GEMIN5: variants seen among roughly 807,000 people sequenced by gnomAD.
The protein encoded by GEMIN5 is gem nuclear organelle associated protein 5.
In GEMIN5, 124 loss-of-function variants were observed where a neutral mutation model predicts 176.9. That is an observed-to-expected ratio of 0.70 (90% confidence interval 0.61 to 0.81). The LOEUF (loss-of-function observed/expected upper bound fraction) is 0.81. Among genes scored for constraint, GEMIN5 ranks in the 40% least tolerant of loss-of-function variants. GEMIN5 has a pLI of 0.00. For missense variants in GEMIN5, 1,843 were observed against 1,814.6 expected, an observed-to-expected ratio of 1.02 and a Z score of -0.28; for synonymous variants, 673 against 665.2, an observed-to-expected ratio of 1.01 and a Z score of -0.18.
chr5:154,935,626 A>G (rs1243397223), intron 3 of GEMIN5, among the ~76,000 whole-genome samples: 1 of 152,194 alleles, frequency 6.6e-6, no homozygotes, highest in Non-Finnish European at 1.5e-5. Context: ...CCGAAAAACG[A>G]AGAAAGTACA....
In GEMIN5 at chr5:154,911,717, TCTGA is replaced by T. The variant is rs1763703093; in HGVS notation, c.2167+6_2167+9del. The T allele has an allele frequency of 6.2e-7, 1 of 1,607,790 alleles. No homozygotes were observed. ...AAAAAGAATTAGATAAGCTCTAGGT[TCTGA>T]CTGACCTTGAGGAGGCCGGGAATGA... is the stretch of plus-strand genomic sequence containing the variant. On this transcript the variant is annotated splice_donor_region_variant and intron_variant, in intron 15 of 27. Transcript: ENST00000285873.
intron 15 of GEMIN5, among the ~76,000 whole-genome samples, chr5:154,911,415 A>G (rs1385859065): frequency 6.6e-6 from 1 of 152,174 alleles, no homozygotes; most frequent in African/African-American, 2.4e-5. Context: ...AGGGAGGTCA[A>G]GGTGCGAGAA....
At chr5:154,891,113 G>A in intron 26 of GEMIN5, 128 bp downstream of exon 26, 1 of 593,202 alleles carries the variant, frequency 1.7e-6, no homozygotes, top group Non-Finnish European at 2.7e-6. Flanking sequence ...CCGGGCTGGT[G>A]GTGAACTCCT....
In GEMIN5 at chr5:154,903,097, C is replaced by T. The variant is rs2113469586; in HGVS notation, c.2711G>A (p.Arg904Lys). Reference protein sequence around the residue: ...GLFTDRATLYRMIDIEGKGHL... With the variant: ...GLFTDRATLYKMIDIEGKGHL... Reference sequence around the variant, plus strand: ...TGTCTCACCTTCAATATCAATCATTCTATACAGGGTAGCCCTGTCTGTGAA... The same window carrying T: ...TGTCTCACCTTCAATATCAATCATTTTATACAGGGTAGCCCTGTCTGTGAA... The change falls in exon 19 of 28, where the codon AGA (arginine) becomes AAA (lysine). Residue 904 changes from arginine to lysine, a missense_variant. By Grantham distance (26) the Arg-to-Lys change is conservative. Transcript: ENST00000285873. 6.3e-7 allele frequency: 1 copy of T among 1,598,306 alleles called. No individual in the cohort carries two copies. The highest frequency in any genetic ancestry group is 1.1e-5 in the South Asian group (1 of 90,576).
chr5:154,931,804 C>G, intron 4 of GEMIN5: 3 of 497,988 alleles, frequency 6.0e-6, no homozygotes, highest in Admixed American at 3.6e-5. Context: ...CACCTGAGGT[C>G]GGGAGTTCAA....
rs1481657307 is a variant in GEMIN5, at chr5:154,888,224, T to C, written c.4513A>G (p.Thr1505Ala). The C allele has an allele frequency of 6.2e-6, 10 of 1,614,068 alleles. No homozygotes were observed. In the South Asian group the frequency reaches 9.9e-5, roughly 16 times the overall value. ...NTKTYRRHCQ[T>A]FCM ...TGTGTGAAAATTCACATACAGAAGG[T>C]CTGGCAGTGTCTTCTGTAAGTTTTC... The change falls in exon 28 of 28, where the codon ACC becomes GCC. Residue 1505 changes from threonine (T) to alanine (A), a missense_variant. By Grantham distance (58) the Thr-to-Ala change is moderately conservative. Coordinates refer to ENST00000285873, the MANE Select transcript of GEMIN5 (RefSeq NM_015465.5).
intron 23 of GEMIN5, 114 bp downstream of exon 23, chr5:154,898,326 T>G: frequency 1.1e-6 from 1 of 875,900 alleles, no homozygotes; most frequent in Non-Finnish European, 1.9e-6. Flanking sequence ...CAGGGCTTGC[T>G]GGGCCTGCCA....
intron 13 of GEMIN5, among the ~76,000 whole-genome samples, chr5:154,914,739 G>A (rs557065358): frequency 5.9e-5 from 9 of 152,116 alleles, no homozygotes; most frequent in African/African-American, 1.7e-4. Flanking sequence ...GCCACCACAC[G>A]TAGCCTAAAC....
chr5:154,891,327 T>C lies in GEMIN5; in HGVS notation c.4176A>G (p.Gln1392=), dbSNP rs35194608. 3,659 of 1,614,032 alleles carry C rather than the reference T, an allele frequency of 2.3e-3. 83 individuals carry two copies. In the African/African-American group the frequency reaches 0.043, roughly 19 times the overall value. The change falls in exon 26 of 28, where the codon CAA becomes CAG. Residue 1392 remains glutamine, a synonymous_variant. Coordinates refer to ENST00000285873, the MANE Select transcript of GEMIN5 (RefSeq NM_015465.5). ...AEMIRQHQKS[Q]LCKSTANGPD... ...GACCATTTGCTGTGGATTTACAGAGTTGACTCTTTTGGTGTTGTCGGATCA... is the reference window on the plus strand; with the variant it reads ...GACCATTTGCTGTGGATTTACAGAGCTGACTCTTTTGGTGTTGTCGGATCA...
chr5:154,894,797 C>T (rs62382193), intron 24 of GEMIN5, among the ~76,000 whole-genome samples: 4,944 of 152,182 alleles, frequency 0.032, 109 homozygotes, highest in Non-Finnish European at 0.052. Flanking sequence ...ATCCCAGCTA[C>T]CCGGGAGGCT....
rs145868718 is a variant in GEMIN5, at chr5:154,924,519, A to G, written c.1329T>C (p.Ala443=). The G allele has an allele frequency of 3.7e-6, 6 of 1,612,972 alleles. No individual in the cohort carries two copies. Among genetic ancestry groups the G allele is most frequent in the Non-Finnish European group, 5.1e-6 (6 of 1,179,114 alleles). ...CWHPTKEGCL[A]FGTDDGKVGL... is the part of the protein sequence containing the mutation. ...CCACTTTTCCATCATCAGTTCCAAA[A>G]GCTAAGCAACCTTCCTTGGTTGGGT... Residue 443 remains alanine (A), a synonymous_variant, in exon 9 of 28, where the codon GCT becomes GCC. Coordinates refer to ENST00000285873, the MANE Select transcript of GEMIN5 (RefSeq NM_015465.5).
chr5:154,921,312 A>G (rs755315697), intron 10 of GEMIN5, 31 bp downstream of exon 10: 27 of 919,002 alleles, frequency 2.9e-5, no homozygotes, highest in Non-Finnish European at 4.7e-5. Flanking sequence ...GAATACTCTC[A>G]TATTTGTTAT....
chr5:154,892,028 A>C (rs1353531972), intron 25 of GEMIN5, among the ~76,000 whole-genome samples: 1 of 152,234 alleles, frequency 6.6e-6, no homozygotes. Flanking sequence ...ACAACAGATC[A>C]CACTGTCTCT....
chr5:154,917,850 C>T lies in GEMIN5; in HGVS notation c.1673+81G>A, dbSNP rs1763843651. On this transcript the variant is annotated intron_variant, in intron 12 of 27. Coordinates refer to ENST00000285873, the MANE Select transcript of GEMIN5 (RefSeq NM_015465.5). The stretch of plus-strand genomic sequence containing the variant: ...AATACAACTGGGCCGCCCCAGCTAA[C>T]ATTACAGATGGCATTAGTCAGCTTG... 7.6e-6 allele frequency: 7 copies of T among 916,994 alleles called. No individual in the cohort carries two copies. The South Asian group carries it at 7.8e-5, about 10-fold the overall frequency. The allele number at this position is 916,994 out of a possible 1,614,324, so 56.8% of individuals were successfully genotyped here.
At chr5:154,925,293 G>T (rs982763669) in intron 8 of GEMIN5, among the ~76,000 whole-genome samples, 1 of 152,128 alleles carries the variant, frequency 6.6e-6, no homozygotes, top group African/African-American at 2.4e-5. Context: ...TTATTCAAGT[G>T]GGGGACTGGA....
intron 12 of GEMIN5, 55 bp from the exon 13 acceptor site, chr5:154,917,234 C>T: frequency 1.9e-6 from 2 of 1,075,314 alleles, no homozygotes; most frequent in Non-Finnish European, 2.6e-6. Flanking sequence ...TTACAAGTTA[C>T]AATGCAAATA....
At chr5:154,910,879 T>C (rs937396953) in intron 15 of GEMIN5, among the ~76,000 whole-genome samples, 2 of 152,176 alleles carry the variant, frequency 1.3e-5, no homozygotes, top group East Asian at 1.9e-4. Flanking sequence ...TTTGTATTTT[T>C]AGTAGAGACA....
At chr5:154,920,236 G>A (rs1763897125) in intron 10 of GEMIN5, 133 bp from the exon 11 acceptor site, 1 of 574,500 alleles carries the variant, frequency 1.7e-6, no homozygotes, top group Non-Finnish European at 2.8e-6. Context: ...CTAATACATT[G>A]GAATAAAATC....
chr5:154,920,030 G>A lies in GEMIN5; in HGVS notation c.1536C>T (p.Pro512=), dbSNP rs529591071. 6 of 1,613,434 alleles carry A rather than the reference G, an allele frequency of 3.7e-6. No homozygotes were observed. The African/African-American group carries it at 8.0e-5, about 22-fold the overall frequency. The change falls in exon 11 of 28, where the codon CCC becomes CCT. Residue 512 remains proline, a synonymous_variant. Transcript: ENST00000285873. ...GGEGIVLQHN[P]WKLSGEAFDI... Reference sequence around the variant, plus strand: ...CAAAGGCTTCTCCACTAAGCTTCCAGGGATTATGCTGTAAGACAATCCCTT... The same window carrying A: ...CAAAGGCTTCTCCACTAAGCTTCCAAGGATTATGCTGTAAGACAATCCCTT...
Sources: allele counts gnomAD v4.1 joint callset (sites outside exome capture counted in the v4.1 genomes callset), GRCh38; gene constraint gnomAD v4.1.1; transcripts MANE v1.5; gene names NCBI Gene and HGNC (gene_info 2026-07-23, HGNC 2026-07-21).